NCOA4: variants seen among roughly 807,000 people sequenced by gnomAD.
NCOA4 encodes 70 kDa AR-activator.
In NCOA4, 31 loss-of-function variants were observed where a neutral mutation model predicts 69.5. That is an observed-to-expected ratio of 0.45 (90% CI 0.34 to 0.60). The LOEUF is 0.60. NCOA4 is among the 20% of genes least tolerant of loss of function. The probability of loss-of-function intolerance (pLI) is 0.02; values close to 1 mark genes in which losing one functional copy is unlikely to be tolerated. For missense variants in NCOA4, 600 were observed against 719.2 expected, an observed-to-expected ratio of 0.83 and a Z score of 1.90; for synonymous variants, 228 against 252.4, an observed-to-expected ratio of 0.90 and a Z score of 0.92.
At chr10:46,020,857 A>G (rs1839826327) in intron 1 of NCOA4, among the ~76,000 whole-genome samples, 1 of 152,180 alleles carries the variant, frequency 6.6e-6, no homozygotes, top group Non-Finnish European at 1.5e-5. Context: ...TTATAATCCA[A>G]AATATTGCCT....
rs1446833872 is a variant in NCOA4, at chr10:46,006,546, A to T, written c.*46T>A. The T allele has an allele frequency of 1.2e-6, 2 of 1,608,910 alleles. No homozygotes were observed. The highest frequency in any genetic ancestry group is 1.7e-5 in the Admixed American group (1 of 59,992). On this transcript the variant is annotated 3_prime_UTR_variant, in exon 10 of 10. Coordinates refer to ENST00000581486, the MANE Select transcript of NCOA4 (RefSeq NM_001145263.2). ...GCAAGCTGCAGTCACTCAGCTCATG[A>T]TGTGTGATAATCAGCAGAAAGGCTG...
intron 1 of NCOA4, chr10:46,022,458 T>C (rs1554924608): frequency 2.1e-6 from 1 of 467,836 alleles, no homozygotes; most frequent in Admixed American, 2.4e-5. Flanking sequence ...TTTTTAAAGG[T>C]TGGTTTTGGG....
intron 8 of NCOA4, among the ~76,000 whole-genome samples, chr10:46,009,977 A>C (rs1418965616): frequency 6.6e-6 from 1 of 152,134 alleles, no homozygotes; most frequent in Non-Finnish European, 1.5e-5. Flanking sequence ...AGACCAGCCC[A>C]GGCCAAAACC....
rs1385982330 is a variant in NCOA4 at position 46,015,030 on chromosome 10, T to C, written c.283-88A>G. On this transcript the variant is annotated intron_variant, in intron 3 of 9. Transcript: ENST00000581486. ...ACCAAACAGCACTTGAGATTAAACTTCTATCTGATCTATATTAACACTGCA... is the reference window on the plus strand; with the variant it reads ...ACCAAACAGCACTTGAGATTAAACTCCTATCTGATCTATATTAACACTGCA... The C allele has an allele frequency of 3.1e-6, 5 of 1,591,384 alleles. No individual in the cohort carries two copies. In the East Asian group the frequency reaches 1.1e-4, roughly 36 times the overall value.
At chr10:46,027,455 T>C (rs1319997841) in intron 1 of NCOA4, 11 of 1,551,548 alleles carry the variant, frequency 7.1e-6, no homozygotes, top group Non-Finnish European at 9.6e-6. Flanking sequence ...AGTGGTCAAC[T>C]GGGCCCCCAT....
At chr10:46,029,049 G>GC (rs1564930997) in intron 1 of NCOA4, among the ~76,000 whole-genome samples, 2 of 138,574 alleles carry the variant, frequency 1.4e-5, no homozygotes, top group Admixed American at 7.1e-5. Context: ...AAAAAAAAAA[G>GC]GGGGGGGTGA....
intron 1 of NCOA4, among the ~76,000 whole-genome samples, chr10:46,020,184 T>C (rs1217445403): frequency 3.3e-5 from 5 of 152,236 alleles, no homozygotes; most frequent in African/African-American, 7.2e-5. Flanking sequence ...TCAACAGTTA[T>C]TCACCATTTG....
rs1212677229 is a variant in NCOA4 at position 46,010,294 on chromosome 10, C to T, written c.1627G>A (p.Gly543Arg). The change falls in exon 8 of 10, where the codon GGA (glycine) becomes AGA (arginine). Residue 543 changes from glycine (G) to arginine (R), a missense_variant. Coordinates refer to ENST00000581486, the MANE Select transcript of NCOA4 (RefSeq NM_001145263.2). Reference sequence around the variant, plus strand: ...TGGCTGAGGTTGCCCATCTTCTTTCCTGGCAGGACCCAGTCAGCTGTGTTA... The same window carrying T: ...TGGCTGAGGTTGCCCATCTTCTTTCTTGGCAGGACCCAGTCAGCTGTGTTA... ...SFNTADWVLP[G>R]KKMGNLSQLS... 2 of 1,613,786 alleles carry T rather than the reference C, an allele frequency of 1.2e-6. No homozygotes were observed. The highest frequency in any genetic ancestry group is 1.7e-6 in the Non-Finnish European group (2 of 1,179,976).
intron 2 of NCOA4, 103 bp downstream of exon 2, chr10:46,016,437 G>T: frequency 9.3e-7 from 1 of 1,074,738 alleles, no homozygotes; most frequent in Non-Finnish European, 1.2e-6. Flanking sequence ...CAAGGCATGG[G>T]GTGAAATTTT....
intron 9 of NCOA4, among the ~76,000 whole-genome samples, chr10:46,007,692 A>C (rs1554920162): frequency 1.3e-5 from 2 of 149,860 alleles, no homozygotes; most frequent in Non-Finnish European, 3.0e-5. Flanking sequence ...TCCCAGACAC[A>C]AGATTCTCCC....
At chr10:46,025,075 C>T (rs992073010) in intron 1 of NCOA4, among the ~76,000 whole-genome samples, 2 of 152,184 alleles carry the variant, frequency 1.3e-5, no homozygotes, top group Admixed American at 6.5e-5. Flanking sequence ...GCTGGAGACC[C>T]TGGGATGCCA....
chr10:46,007,581 C>CTTTTTT (rs71026287), intron 9 of NCOA4, among the ~76,000 whole-genome samples: 5 of 85,476 alleles, frequency 5.8e-5, no homozygotes, highest in African/African-American at 9.8e-5. Context: ...GCCAGTGACT[C>CTTTTTT]TTTTTTTTTT....
At position 46,017,461 on chromosome 10, in the gene NCOA4, C is replaced by T. The variant is rs1254554982; in HGVS notation, c.-14-767G>A. On this transcript the variant is annotated intron_variant, in intron 1 of 9. Transcript: ENST00000581486. ...TTGGCAGGCTGAGATGGGAAGATCA[C>T]CTGAGCCCAGGAGTTCGCAGCTGCA... 3.9e-5 allele frequency among the ~76,000 whole-genome samples: 6 copies of T among 152,266 alleles called. No homozygotes were observed. The East Asian group carries it at 1.2e-3, about 29-fold the overall frequency.
At chr10:46,018,810 G>C (rs1435945096) in intron 1 of NCOA4, among the ~76,000 whole-genome samples, 5 of 152,202 alleles carry the variant, frequency 3.3e-5, no homozygotes, top group Admixed American at 6.5e-5. Flanking sequence ...GGGGTGAAAA[G>C]TGGCCTACCC....
chr10:46,010,487 A>C lies in NCOA4; in HGVS notation c.1434T>G (p.Thr478=), dbSNP rs1286961539. 1.9e-6 allele frequency: 3 copies of C among 1,614,058 alleles called. No individual in the cohort carries two copies. The highest frequency in any genetic ancestry group is 2.7e-5 in the African/African-American group (2 of 74,918). Residue 478 remains threonine (T), a synonymous_variant, in exon 8 of 10, where the codon ACT becomes ACG. Coordinates refer to ENST00000581486, the MANE Select transcript of NCOA4 (RefSeq NM_001145263.2). Reference sequence around the variant, plus strand: ...GGAAGGAATCAGCAATTCTAGAAGGAGTCATTGCCTTTGGTGCTTTAGTTT... The same window carrying C: ...GGAAGGAATCAGCAATTCTAGAAGGCGTCATTGCCTTTGGTGCTTTAGTTT... ...IEQTKAPKAM[T]PSRIADSFQV...
chr10:46,023,181 G>A (rs1839984579), intron 1 of NCOA4: 4 of 675,910 alleles, frequency 5.9e-6, no homozygotes, highest in Non-Finnish European at 7.3e-6. Flanking sequence ...CTTTCCAAGC[G>A]GCCTCAGGAG....
intron 1 of NCOA4, among the ~76,000 whole-genome samples, chr10:46,028,616 G>A (rs146103589): frequency 6.6e-6 from 1 of 150,540 alleles, no homozygotes; most frequent in South Asian, 2.1e-4. Flanking sequence ...GAAGAGCCAA[G>A]ATTTAATCCC....
At chr10:46,027,703 C>G (rs533482499) in intron 1 of NCOA4, among the ~76,000 whole-genome samples, 1 of 152,180 alleles carries the variant, frequency 6.6e-6, no homozygotes, top group Admixed American at 6.5e-5. Flanking sequence ...TTTAGGCTTG[C>G]CTTTGCAACC....
At chr10:46,028,914 T>C (rs1554926020) in intron 1 of NCOA4, among the ~76,000 whole-genome samples, 1 of 151,914 alleles carries the variant, frequency 6.6e-6, no homozygotes, top group Admixed American at 6.6e-5. Context: ...GGGAAAGTAT[T>C]ATAAAACACT....
Sources: gnomAD v4.1 joint callset for allele counts (sites outside exome capture counted in the v4.1 genomes callset) on GRCh38, gnomAD v4.1.1 for gene constraint, MANE v1.5 for transcripts, NCBI Gene and HGNC (gene_info 2026-07-23, HGNC 2026-07-21) for gene names.